The following LIN52 variants were observed in gnomAD, a reference collection of about 807,000 sequenced individuals.
The protein encoded by LIN52 is lin-52 DREAM MuvB core complex component.
LIN52 carries 4 observed loss-of-function variants against 18.5 expected under a neutral mutation model. That is an observed-to-expected ratio of 0.22 (90% CI 0.11 to 0.49). LIN52 has a LOEUF of 0.49. Among genes scored for constraint, LIN52 ranks in the 20% least tolerant of loss-of-function variants. The probability of loss-of-function intolerance (pLI) is 0.97; values close to 1 mark genes in which losing one functional copy is unlikely to be tolerated. For synonymous variants in LIN52, 34 were observed against 45.5 expected (o/e 0.75, Z 1.02); for missense variants, 102 against 139.5 (o/e 0.73, Z 1.35).
intron 5 of LIN52, among the ~76,000 whole-genome samples, chr14:74,196,636 G>A (rs1005906540): frequency 6.6e-6 from 1 of 152,114 alleles, no homozygotes; most frequent in Non-Finnish European, 1.5e-5. Flanking sequence ...CCTTCAAGCT[G>A]AGGGAAAAGA....
intron 5 of LIN52, among the ~76,000 whole-genome samples, chr14:74,110,084 T>G (rs971982031): frequency 1.3e-5 from 2 of 152,200 alleles, no homozygotes; most frequent in Non-Finnish European, 2.9e-5. Context: ...TGTGCTTTAA[T>G]GTAAATAAGG....
In LIN52 at chr14:74,201,046, G is replaced by C. The variant is rs1292449399; in HGVS notation, c.*2069G>C. The stretch of plus-strand genomic sequence containing the variant: ...TCCTATTCACCAGCACTTAATGTAA[G>C]TAGATGTTTTAGAATTGCAATATTT... On this transcript the variant is annotated 3_prime_UTR_variant, in exon 6 of 6. Coordinates refer to ENST00000555028, the MANE Select transcript of LIN52 (RefSeq NM_001024674.3). 6.6e-6 allele frequency: 1 copy of C among 152,182 alleles called. No individual in the cohort carries two copies. The highest frequency in any genetic ancestry group is 2.4e-5 in the African/African-American group (1 of 41,434). The allele number at this position is 152,182 out of a possible 1,614,324, so 9.4% of individuals were successfully genotyped here.
At chr14:74,110,989 G>A (rs1053106773) in intron 5 of LIN52, among the ~76,000 whole-genome samples, 1 of 151,912 alleles carries the variant, frequency 6.6e-6, no homozygotes, top group African/African-American at 2.4e-5. Flanking sequence ...AGATTAAGAT[G>A]TCTCCATTCA....
intron 5 of LIN52, among the ~76,000 whole-genome samples, chr14:74,148,126 C>CT (rs957580243): frequency 6.6e-6 from 1 of 151,764 alleles, no homozygotes; most frequent in Admixed American, 6.6e-5. Flanking sequence ...AATCAAAGGC[C>CT]TTTTTTTAAT....
At chr14:74,134,368 G>C (rs762325620) in intron 5 of LIN52, among the ~76,000 whole-genome samples, 1 of 152,152 alleles carries the variant, frequency 6.6e-6, no homozygotes, top group African/African-American at 2.4e-5. Context: ...TAACTTGCTA[G>C]GAGATTAGGT....
chr14:74,184,070 G>A (rs1426229471), intron 5 of LIN52, among the ~76,000 whole-genome samples: 1 of 152,110 alleles, frequency 6.6e-6, no homozygotes, highest in Non-Finnish European at 1.5e-5. Context: ...AATTAATGAA[G>A]AAGATGGGTT....
At chr14:74,118,576 C>A (rs929018612) in intron 5 of LIN52, among the ~76,000 whole-genome samples, 1 of 152,076 alleles carries the variant, frequency 6.6e-6, no homozygotes, top group Non-Finnish European at 1.5e-5. Context: ...GAATTCCAGA[C>A]CAGCCTGGGC....
chr14:74,120,898 G>A (rs1313000489), intron 5 of LIN52, among the ~76,000 whole-genome samples: 3 of 151,874 alleles, frequency 2.0e-5, no homozygotes, highest in South Asian at 2.1e-4. Flanking sequence ...GCAACAGAGC[G>A]AGACTCTGTC....
chr14:74,103,575 G>A (rs970018377), intron 5 of LIN52, among the ~76,000 whole-genome samples: 1 of 151,300 alleles, frequency 6.6e-6, no homozygotes, highest in Non-Finnish European at 1.5e-5. Context: ...TGGGATTACA[G>A]GCATGTGCCA....
chr14:74,109,950 T>C (rs2060916899), intron 5 of LIN52, among the ~76,000 whole-genome samples: 2 of 152,234 alleles, frequency 1.3e-5, no homozygotes, highest in Admixed American at 1.3e-4. Context: ...ATTAATTCTT[T>C]TTCCTAATTG....
chr14:74,117,154 A>G (rs1400500937), intron 5 of LIN52, among the ~76,000 whole-genome samples: 1 of 152,230 alleles, frequency 6.6e-6, no homozygotes, highest in African/African-American at 2.4e-5. Context: ...AGTGATAAAT[A>G]GCAAGGTGAA....
intron 4 of LIN52, among the ~76,000 whole-genome samples, chr14:74,098,900 A>G (rs1199886109): frequency 6.6e-6 from 1 of 152,188 alleles, no homozygotes; most frequent in East Asian, 1.9e-4. Flanking sequence ...CAAGTGCCTT[A>G]TTTAGAATTT....
intron 5 of LIN52, among the ~76,000 whole-genome samples, chr14:74,181,282 A>G (rs1227710900): frequency 6.6e-6 from 1 of 151,884 alleles, no homozygotes; most frequent in Non-Finnish European, 1.5e-5. Flanking sequence ...CATCTACAAA[A>G]AAATTTTTAA....
intron 5 of LIN52, among the ~76,000 whole-genome samples, chr14:74,138,859 A>T (rs558151294): frequency 6.6e-6 from 1 of 152,218 alleles, no homozygotes; most frequent in African/African-American, 2.4e-5. Context: ...TTGTGAATAT[A>T]TAGTCTGTTA....
At chr14:74,111,413 C>T (rs1427301243) in intron 5 of LIN52, among the ~76,000 whole-genome samples, 2 of 151,398 alleles carry the variant, frequency 1.3e-5, no homozygotes, top group South Asian at 2.1e-4. Context: ...CCCAGCCTCT[C>T]GAGTAGCTGG....
At chr14:74,130,278 G>GTTTTTTTTTTGTTTTTT (rs1566856483) in intron 5 of LIN52, among the ~76,000 whole-genome samples, 1 of 64,842 alleles carries the variant, frequency 1.5e-5, no homozygotes, top group African/African-American at 6.3e-5. Context: ...GCATTTTTTG[G>GTTTTTTTTTTGTTTTTT]TTTTTTTTTT....
intron 5 of LIN52, among the ~76,000 whole-genome samples, chr14:74,137,562 G>A (rs1052597289): frequency 1.2e-4 from 17 of 146,894 alleles, no homozygotes; most frequent in East Asian, 6.1e-4. Flanking sequence ...GCAGTGGCGC[G>A]ATCTCAGCTC....
At chr14:74,162,562 TG>T (rs2061230863) in intron 5 of LIN52, among the ~76,000 whole-genome samples, 1 of 151,702 alleles carries the variant, frequency 6.6e-6, no homozygotes. Context: ...ATTTTTTTAT[TG>T]AAAAAAAAAT....
chr14:74,140,723 T>C (rs1196308641), intron 5 of LIN52, among the ~76,000 whole-genome samples: 2 of 152,186 alleles, frequency 1.3e-5, no homozygotes, highest in Non-Finnish European at 2.9e-5. Flanking sequence ...TGAATTGTTT[T>C]ACAAGAAGAG....
Sources: allele counts gnomAD v4.1 joint callset (sites outside exome capture counted in the v4.1 genomes callset), GRCh38; gene constraint gnomAD v4.1.1; transcripts MANE v1.5; gene names NCBI Gene and HGNC (gene_info 2026-07-23, HGNC 2026-07-21).